AGAP4: variants seen among roughly 807,000 people sequenced by gnomAD.
AGAP4 encodes the protein arf-GAP with GTPase, ANK repeat and PH domain-containing protein 4.
In AGAP4, 13 loss-of-function variants were observed where a neutral mutation model predicts 60.7. That is an observed-to-expected ratio of 0.21 (90% CI 0.14 to 0.34). AGAP4 has a LOEUF of 0.34. Among genes scored for constraint, AGAP4 ranks in the 10% least tolerant of loss-of-function variants. The pLI, the probability that AGAP4 is intolerant of heterozygous loss-of-function variation, is 1.00. For synonymous variants in AGAP4, 70 were observed against 339.0 expected, an observed-to-expected ratio of 0.21 and a Z score of 8.72; for missense variants, 169 against 884.0, an observed-to-expected ratio of 0.19 and a Z score of 10.26.
At chr10:45,827,783 A>T (rs2337990) in intron 7 of AGAP4, among the ~76,000 whole-genome samples, 4 of 6,366 alleles carry the variant, frequency 6.3e-4, no homozygotes, top group African/African-American at 8.1e-4. Flanking sequence ...GAGAGTCCAT[A>T]AAAAAAAAAA....
intron 2 of AGAP4, 114 bp from the exon 3 acceptor site, chr10:45,844,508 A>G: frequency 3.3e-6 from 5 of 1,513,318 alleles, no homozygotes; most frequent in Admixed American, 2.0e-5. Context: ...TTTGATTCTT[A>G]TCCATTGAAA....
rs1220856055 is a variant in AGAP4, at chr10:45,844,096, AT to A, written c.361+229del. The stretch of plus-strand genomic sequence containing the variant: ...CCATGACTCCTCCATCACATCACAA[AT>A]TAATTGTGTTGATAAAAAGATGGCA... On this transcript the variant is annotated intron_variant, in intron 3 of 7. Transcript: ENST00000616763. Among the ~76,000 whole-genome samples the A allele has an allele frequency of 2.0e-5, 3 of 150,674 alleles. No individual in the cohort carries two copies. In the East Asian group the frequency reaches 5.8e-4, roughly 29 times the overall value.
intron 1 of AGAP4, 148 bp downstream of exon 1, chr10:45,846,977 C>A (rs2059009239): frequency 6.3e-7 from 1 of 1,592,434 alleles, no homozygotes; most frequent in Non-Finnish European, 8.5e-7. Context: ...GAATTCAAGG[C>A]AGAGCCAGCT....
upstream of AGAP4, among the ~76,000 whole-genome samples, chr10:45,849,702 A>C (rs75650977): frequency 1.3e-5 from 2 of 148,914 alleles, no homozygotes; most frequent in South Asian, 4.3e-4. Flanking sequence ...GTGCAATGGC[A>C]TGATCTTGGC....
upstream of AGAP4, among the ~76,000 whole-genome samples, chr10:45,852,217 T>TAAAAAAAAAAAAAAAAAA (rs781889843): frequency 9.8e-5 from 9 of 91,712 alleles, no homozygotes; most frequent in African/African-American, 4.9e-4. Flanking sequence ...GGCCAGACTT[T>TAAAAAAAAAAAAAAAAAA]AAAAAAAAAA....
upstream of AGAP4, among the ~76,000 whole-genome samples, chr10:45,851,395 T>C (rs1414255172): frequency 3.3e-4 from 50 of 151,998 alleles, no homozygotes; most frequent in Non-Finnish European, 6.6e-4. Flanking sequence ...GTTCAATAGG[T>C]ACTCAACATG....
At chr10:45,851,859 T>A (rs1465376293), upstream of AGAP4, among the ~76,000 whole-genome samples, 7 of 150,996 alleles carry the variant, frequency 4.6e-5, 1 homozygote, top group Admixed American at 4.6e-4. Context: ...CTAGAGATAT[T>A]TCTGGTAAAG....
intron 6 of AGAP4, among the ~76,000 whole-genome samples, 194 bp from the exon 7 acceptor site, chr10:45,828,274 G>C (rs2058677404): frequency 6.8e-6 from 1 of 147,808 alleles, no homozygotes; most frequent in Non-Finnish European, 1.5e-5. Context: ...CCTGTACCGT[G>C]AAGTCTTTTA....
intron 4 of AGAP4, among the ~76,000 whole-genome samples, chr10:45,834,674 C>CAAAAAAAA (rs1174820110): frequency 6.6e-5 from 1 of 15,228 alleles, no homozygotes; most frequent in Non-Finnish European, 8.9e-5. Flanking sequence ...GACTCCGCCT[C>CAAAAAAAA]AAAAAAAAAA....
chr10:45,847,541 G>T (rs2135968845), upstream of AGAP4: 2 of 1,468,362 alleles, frequency 1.4e-6, no homozygotes, highest in East Asian at 4.9e-5. Flanking sequence ...AGGGCTGCGG[G>T]CCAAGGCCCG....
intron 4 of AGAP4, among the ~76,000 whole-genome samples, chr10:45,838,855 C>T (rs1359990896): frequency 6.6e-6 from 1 of 150,698 alleles, no homozygotes; most frequent in South Asian, 2.1e-4. Flanking sequence ...AAAACAGCTC[C>T]ATCTATGTTG....
upstream of AGAP4, among the ~76,000 whole-genome samples, chr10:45,848,525 T>A (rs1554899911): frequency 6.6e-6 from 1 of 151,040 alleles, no homozygotes; most frequent in East Asian, 2.0e-4. Flanking sequence ...TGTGCTATGC[T>A]CATTTAACCC....
intron 4 of AGAP4, among the ~76,000 whole-genome samples, chr10:45,837,049 T>C (rs1370537075): frequency 1.4e-5 from 2 of 140,698 alleles, no homozygotes; most frequent in South Asian, 4.9e-4. Flanking sequence ...GTATTTTTAG[T>C]AGAGATGGGA....
intron 6 of AGAP4, among the ~76,000 whole-genome samples, chr10:45,830,756 A>AT (rs2058720182): frequency 7.7e-6 from 1 of 129,194 alleles, no homozygotes; most frequent in Non-Finnish European, 1.7e-5. Flanking sequence ...AAGTGCTGGG[A>AT]TTACAGGCGT....
intron 4 of AGAP4, among the ~76,000 whole-genome samples, chr10:45,838,108 C>A (rs2058852877): frequency 6.7e-6 from 1 of 149,788 alleles, no homozygotes; most frequent in Non-Finnish European, 1.5e-5. Context: ...AGGAATACCA[C>A]CTCAGCCATA....
chr10:45,839,920 A>G (rs1371639448), intron 4 of AGAP4, among the ~76,000 whole-genome samples: 4 of 149,264 alleles, frequency 2.7e-5, no homozygotes, highest in Non-Finnish European at 1.5e-5. Flanking sequence ...TCCCAGAACT[A>G]GAATAAAAAG....
At chr10:45,830,218 G>A (rs1363269650) in intron 6 of AGAP4, among the ~76,000 whole-genome samples, 2 of 147,562 alleles carry the variant, frequency 1.4e-5, no homozygotes, top group African/African-American at 5.0e-5. Context: ...TGTCACCCAG[G>A]CTGGGGTGCA....
intron 1 of AGAP4, among the ~76,000 whole-genome samples, chr10:45,852,994 AAGC>A (rs1445991256): frequency 1.3e-5 from 2 of 151,864 alleles, no homozygotes; most frequent in Non-Finnish European, 2.9e-5. Context: ...TTTCAGCTTA[AAGC>A]AAGAATAATC....
Position 45,834,056 on chromosome 10 carries a change from T to C in AGAP4, c.457A>G (p.Ser153Gly), listed in dbSNP as rs2058772114. The C allele has an allele frequency of 6.3e-7, 1 of 1,596,944 alleles. No individual in the cohort carries two copies. The highest frequency in any genetic ancestry group is 2.2e-5 in the East Asian group (1 of 44,658). ...SLCSTIFLDD[S>G]TAIQHYLTMT... The stretch of plus-strand genomic sequence containing the variant: ...GTAAGATAATGCTGGATGGCTGTGC[T>C]GTCATCAAGGAATATTGTCGAACAC... The change falls in exon 5 of 8, where the codon AGC (serine) becomes GGC (glycine). Residue 153 changes from serine (S) to glycine (G), a missense_variant. By Grantham distance (56) the Ser-to-Gly change is moderately conservative. Transcript: ENST00000616763.
Sources: allele counts gnomAD v4.1 joint callset (sites outside exome capture counted in the v4.1 genomes callset), GRCh38; gene constraint gnomAD v4.1.1; transcripts MANE v1.5; gene names NCBI Gene and HGNC (gene_info 2026-07-23, HGNC 2026-07-21).